KDM8: variants seen among roughly 807,000 people sequenced by gnomAD.
KDM8 encodes the protein bifunctional peptidase and arginyl-hydroxylase JMJD5.
KDM8 carries 35 observed loss-of-function variants against 46.9 expected under a neutral mutation model. The observed-to-expected ratio is 0.75, with a 90% CI of 0.57 to 0.99. KDM8 has a LOEUF of 0.99. KDM8 is among the 50% of genes least tolerant of loss of function. The pLI, the probability that KDM8 is intolerant of heterozygous loss-of-function variation, is 0.00. For missense variants in KDM8, 475 were observed against 537.0 expected (o/e 0.88, Z 1.14); for synonymous variants, 232 against 227.7 (o/e 1.02, Z -0.17).
At chr16:27,206,284 T>A in intron 1 of KDM8, 1 of 876,378 alleles carries the variant, frequency 1.1e-6, no homozygotes, top group Non-Finnish European at 1.4e-6. Flanking sequence ...TTTTTTTTTT[T>A]TCGGGAGGGA....
chr16:27,220,238 A>G (rs2083602441), intron 6 of KDM8, 155 bp from the exon 7 acceptor site: 10 of 701,170 alleles, frequency 1.4e-5, no homozygotes, highest in Non-Finnish European at 2.0e-5. Flanking sequence ...TAAAAAAGAA[A>G]GAAAAACATA....
chr16:27,221,448 C>A lies in KDM8; in HGVS notation c.*718C>A, dbSNP rs76839117. On this transcript the variant is annotated 3_prime_UTR_variant, in exon 8 of 8. Transcript: ENST00000286096. ...CATGGCTCAAGGATAACCTACCTGC[C>A]TGCAGAGAAGTGCGAAGGTCTTGCT... is the stretch of plus-strand genomic sequence containing the variant. 2,297 of 156,216 alleles carry A rather than the reference C, an allele frequency of 0.015. 63 individuals are homozygous for A. The highest frequency in any genetic ancestry group is 0.052 in the African/African-American group (2,154 of 41,586). The allele number at this position is 156,216 out of a possible 1,614,324, so 9.7% of individuals were successfully genotyped here. A position where few individuals can be genotyped will look rare whatever the true frequency, so the allele number is the denominator to read the frequency against.
chr16:27,215,938 G>A lies in KDM8; in HGVS notation c.799-7G>A. ...TGTGTTGCCTCTGGTTTTCCCCGGT[G>A]GATTAGCCAAGGGACGTCGGGTACC... On this transcript the variant is annotated splice_polypyrimidine_tract_variant and splice_region_variant and intron_variant, in intron 4 of 7. Coordinates refer to ENST00000286096, the MANE Select transcript of KDM8 (RefSeq NM_024773.3). The A allele has an allele frequency of 6.2e-7, 1 of 1,614,152 alleles. No individual in the cohort carries two copies. Among genetic ancestry groups the A allele is most frequent in the Non-Finnish European group, 8.5e-7 (1 of 1,180,026 alleles).
At chr16:27,210,689 G>A in intron 2 of KDM8, 68 bp downstream of exon 2, 1 of 1,453,520 alleles carries the variant, frequency 6.9e-7, no homozygotes. Context: ...GAAATTCCGA[G>A]TCATCTCTCC....
chr16:27,210,570 C>T lies in KDM8; in HGVS notation c.447C>T (p.Leu149=). 6.6e-7 allele frequency: 1 copy of T among 1,520,318 alleles called. No individual in the cohort carries two copies. The highest frequency in any genetic ancestry group is 1.3e-5 in the South Asian group (1 of 75,698). The allele number at this position is 1,520,318 out of a possible 1,614,324, so 94.2% of individuals were successfully genotyped here. A position where few individuals can be genotyped will look rare whatever the true frequency, so the allele number is the denominator to read the frequency against. The change falls in exon 2 of 8, where the codon CTC becomes CTT. Residue 149 remains leucine (L), a synonymous_variant. Transcript: ENST00000286096. ...TCGCTGCCATCCTCCAGACACACCT[C>T]CCTGGAAAGAGGCCTGCCCGTGGCT... The part of the protein sequence containing the change: ...LKVAAILQTH[L]PGKRPARGSL...
In KDM8 at chr16:27,203,545, G is replaced by A. The variant is rs1316629340; in HGVS notation, c.-123G>A. 3 of 153,010 alleles carry A rather than the reference G, an allele frequency of 2.0e-5. No homozygotes were observed. The highest frequency in any genetic ancestry group is 7.2e-5 in the African/African-American group (3 of 41,592). The allele number at this position is 153,010 out of a possible 1,614,324, so 9.5% of individuals were successfully genotyped here. A position where few individuals can be genotyped will look rare whatever the true frequency, so the allele number is the denominator to read the frequency against. On this transcript the variant is annotated 5_prime_UTR_variant, in exon 1 of 8. Coordinates refer to ENST00000286096, the MANE Select transcript of KDM8 (RefSeq NM_024773.3). ...ATCGATACTCCTATGCTAGCCTCTG[G>A]CTCCTCAGGGGACACAGCCGAGTGG...
intron 5 of KDM8, 66 bp downstream of exon 5, chr16:27,216,055 C>T: frequency 1.3e-6 from 2 of 1,547,718 alleles, no homozygotes; most frequent in Non-Finnish European, 1.8e-6. Context: ...CCCTCCTGGG[C>T]TCAGTGCGGC....
intron 2 of KDM8, among the ~76,000 whole-genome samples, chr16:27,212,851 C>T (rs1395621372): frequency 1.3e-5 from 2 of 152,150 alleles, no homozygotes; most frequent in East Asian, 1.9e-4. Flanking sequence ...ACCACCACGC[C>T]GAGCTTTTTA....
At position 27,211,401 on chromosome 16, in the gene KDM8, T is replaced by C. The variant is rs1440603380; in HGVS notation, c.498+780T>C. ...CAATCTCTCCCACCCCTTGGGTCTA[T>C]GTGCCTGTTCCAAAGAGCACCCCCA... On this transcript the variant is annotated intron_variant, in intron 2 of 7. Coordinates refer to ENST00000286096, the MANE Select transcript of KDM8 (RefSeq NM_024773.3). The C allele has an allele frequency of 1.5e-5, 5 of 341,894 alleles. No individual in the cohort carries two copies. The East Asian group carries it at 3.1e-4, about 21-fold the overall frequency. The allele number at this position is 341,894 out of a possible 1,614,324, so 21.2% of individuals were successfully genotyped here.
chr16:27,219,292 C>T (rs1235687830), intron 6 of KDM8, among the ~76,000 whole-genome samples, 182 bp downstream of exon 6: 1 of 152,242 alleles, frequency 6.6e-6, no homozygotes, highest in Non-Finnish European at 1.5e-5. Flanking sequence ...CCTCTGCAGT[C>T]GGTGCTTCCA....
rs1486593458 is a variant in KDM8 at position 27,220,735 on chromosome 16, G to A, written c.*5G>A. ...GTCAGCTTCTGGTGGTCGTAGCCAG[G>A]ATAGGAGCTGAAAGGGCCTGACATG... is the stretch of plus-strand genomic sequence containing the variant. On this transcript the variant is annotated 3_prime_UTR_variant, in exon 8 of 8. Coordinates refer to ENST00000286096, the MANE Select transcript of KDM8 (RefSeq NM_024773.3). The A allele has an allele frequency of 2.5e-6, 4 of 1,614,062 alleles. No homozygotes were observed. Among genetic ancestry groups the A allele is most frequent in the Non-Finnish European group, 3.4e-6 (4 of 1,180,028 alleles).
At position 27,204,007 on chromosome 16, in the gene KDM8, A is replaced by G. The variant is rs560347099; in HGVS notation, c.-32+371A>G. 165 of 1,140,884 alleles carry G rather than the reference A, an allele frequency of 1.4e-4. No individual in the cohort carries two copies. Among genetic ancestry groups the G allele is most frequent in the Non-Finnish European group, 1.9e-4 (147 of 788,932 alleles). The allele number at this position is 1,140,884 out of a possible 1,614,324, so 70.7% of individuals were successfully genotyped here. ...CTGCGCGGGTTTTATACTCTGCTAT[A>G]TGTGTGTCCGCTGCTTTTAGGCAAC... On this transcript the variant is annotated intron_variant, in intron 1 of 7. Transcript: ENST00000286096.
intron 2 of KDM8, chr16:27,211,089 T>G (rs2083479380): frequency 4.4e-6 from 2 of 453,892 alleles, no homozygotes; most frequent in Admixed American, 4.8e-5. Flanking sequence ...CCCATTGACT[T>G]TGGAAATGGA....
At chr16:27,214,654 C>CCTGTCT (rs2083527071) in intron 3 of KDM8, 2 of 498,954 alleles carry the variant, frequency 4.0e-6, no homozygotes, top group Admixed American at 3.2e-5. Flanking sequence ...ACTTACCGGC[C>CCTGTCT]CTGTCTGCAA....
At position 27,213,734 on chromosome 16, in the gene KDM8, G is replaced by T. The variant is rs1166690294; in HGVS notation, c.648G>T (p.Pro216=). The change falls in exon 3 of 8, where the codon CCG becomes CCT. Residue 216 remains proline, a synonymous_variant. Transcript: ENST00000286096. ...VILKGVADHW[P]CMQKWSLEYI... ...TGAAAGGCGTGGCTGACCACTGGCC[G>T]TGCATGCAGAAGTGGAGGTGGGTGG... is the stretch of plus-strand genomic sequence containing the variant. 1.2e-6 allele frequency: 2 copies of T among 1,614,132 alleles called. No individual in the cohort carries two copies. Among genetic ancestry groups the T allele is most frequent in the Non-Finnish European group, 1.7e-6 (2 of 1,180,002 alleles).
At chr16:27,212,345 C>A (rs912477919) in intron 2 of KDM8, among the ~76,000 whole-genome samples, 1 of 152,200 alleles carries the variant, frequency 6.6e-6, no homozygotes, top group African/African-American at 2.4e-5. Flanking sequence ...CACCATGTGG[C>A]CAAGGGCATG....
At position 27,220,907 on chromosome 16, in the gene KDM8, G is replaced by A; in HGVS notation, c.*177G>A. On this transcript the variant is annotated 3_prime_UTR_variant, in exon 8 of 8. Coordinates refer to ENST00000286096, the MANE Select transcript of KDM8 (RefSeq NM_024773.3). ...AGCACTGGACAGGCACAGAGCAGGGGCTGCCCAGGAAGGAGCACACTCCAG... is the reference window on the plus strand; with the variant it reads ...AGCACTGGACAGGCACAGAGCAGGGACTGCCCAGGAAGGAGCACACTCCAG... 2 of 764,450 alleles carry A rather than the reference G, an allele frequency of 2.6e-6. No individual in the cohort carries two copies. Among genetic ancestry groups the A allele is most frequent in the African/African-American group, 3.4e-5 (2 of 58,328 alleles). 47.4% of individuals were successfully genotyped at this position (764,450 alleles called of 1,614,324 possible).
chr16:27,210,563 C>G lies in KDM8; in HGVS notation c.440C>G (p.Thr147Arg), dbSNP rs1453763397. The change falls in exon 2 of 8, where the codon ACA (threonine) becomes AGA (arginine). Residue 147 changes from threonine to arginine, a missense_variant. Physicochemically the swap from Thr to Arg is moderately conservative, Grantham distance 71 (BLOSUM62 -1). Transcript: ENST00000286096. ...ILLKVAAILQ[T>R]HLPGKRPARG... ...CTTAAAGTCGCTGCCATCCTCCAGA[C>G]ACACCTCCCTGGAAAGAGGCCTGCC... 1.3e-6 allele frequency: 2 copies of G among 1,525,796 alleles called. No individual in the cohort carries two copies. Among genetic ancestry groups the G allele is most frequent in the Admixed American group, 4.2e-5 (2 of 47,346 alleles). 94.5% of individuals were successfully genotyped at this position (1,525,796 alleles called of 1,614,324 possible).
chr16:27,204,089 A>C (rs776315500), intron 1 of KDM8: 2 of 1,547,934 alleles, frequency 1.3e-6, no homozygotes, highest in Non-Finnish European at 1.7e-6. Flanking sequence ...GTCAGGTCCC[A>C]AATATGAGCC....
Sources: allele counts gnomAD v4.1 joint callset (sites outside exome capture counted in the v4.1 genomes callset), GRCh38; gene constraint gnomAD v4.1.1; transcripts MANE v1.5; gene names NCBI Gene and HGNC (gene_info 2026-07-23, HGNC 2026-07-21).